MAP3K19: variants seen among roughly 807,000 people sequenced by gnomAD.
MAP3K19 encodes mitogen-activated protein kinase kinase kinase 19.
In MAP3K19, 91 loss-of-function variants were observed where a neutral mutation model predicts 114.4. That is an observed-to-expected ratio of 0.80 (90% CI 0.67 to 0.95). The LOEUF (loss-of-function observed/expected upper bound fraction) is 0.95, where lower values mean the gene tolerates loss of function less well. Among genes scored for constraint, MAP3K19 ranks in the 40% least tolerant of loss-of-function variants. MAP3K19 has a pLI of 0.00. For missense variants in MAP3K19, 1,471 were observed against 1,573.2 expected, an observed-to-expected ratio of 0.94 and a Z score of 1.10; for synonymous variants, 518 against 530.5, an observed-to-expected ratio of 0.98 and a Z score of 0.32.
At position 134,987,128 on chromosome 2, in the gene MAP3K19, G is replaced by T. The variant is rs201891083; in HGVS notation, c.1744C>A (p.Pro582Thr). The T allele has an allele frequency of 6.2e-7, 1 of 1,613,790 alleles. No individual in the cohort carries two copies. The highest frequency in any genetic ancestry group is 8.5e-7 in the Non-Finnish European group (1 of 1,180,038). Residue 582 changes from proline (P) to threonine (T), a missense_variant, in exon 10 of 13, where the codon CCC becomes ACC. Transcript: ENST00000392915. ...AACCTGGGCAATTGCCAAGGCCTGGGGTCCACAAGTCCCAAAGCCGGGAAA... is the reference window on the plus strand; with the variant it reads ...AACCTGGGCAATTGCCAAGGCCTGGTGTCCACAAGTCCCAAAGCCGGGAAA... ...QIFPALGLVD[P>T]RPWQLPRFQK... is the part of the protein sequence containing the mutation.
At chr2:135,031,014 AG>A (rs1688366760) in intron 2 of MAP3K19, among the ~76,000 whole-genome samples, 1 of 152,202 alleles carries the variant, frequency 6.6e-6, no homozygotes, top group Non-Finnish European at 1.5e-5. Flanking sequence ...CTAGAAAGAG[AG>A]TAAACTCTAT....
intron 2 of MAP3K19, among the ~76,000 whole-genome samples, chr2:135,031,484 G>C (rs1688379528): frequency 6.6e-6 from 1 of 152,174 alleles, no homozygotes; most frequent in Non-Finnish European, 1.5e-5. Flanking sequence ...AGATGTGGGT[G>C]GAGAAATCAG....
intron 1 of MAP3K19, among the ~76,000 whole-genome samples, chr2:135,045,097 C>T (rs373763205): frequency 2.0e-5 from 3 of 152,278 alleles, no homozygotes; most frequent in African/African-American, 4.8e-5. Context: ...ACCCTGTAAA[C>T]GTTTCTCTGG....
intron 5 of MAP3K19, among the ~76,000 whole-genome samples, chr2:135,014,829 T>C (rs180699716): frequency 6.6e-6 from 1 of 152,322 alleles, no homozygotes; most frequent in African/African-American, 2.4e-5. Flanking sequence ...TGCTCAACAG[T>C]GTATTTGTGA....
At chr2:135,021,635 G>C (rs1687985932) in intron 5 of MAP3K19, 80 bp downstream of exon 5, 10 of 727,660 alleles carry the variant, frequency 1.4e-5, no homozygotes, top group Admixed American at 8.4e-5. Flanking sequence ...ATATATGAGT[G>C]TTATGAAGTA....
intron 5 of MAP3K19, 119 bp downstream of exon 5, chr2:135,021,596 T>A (rs2105370267): frequency 3.3e-6 from 2 of 606,536 alleles, no homozygotes; most frequent in South Asian, 2.3e-5. Context: ...ATATGCTTTT[T>A]TATGATTACA....
intron 3 of MAP3K19, among the ~76,000 whole-genome samples, chr2:135,025,757 A>G (rs1688237074): frequency 6.6e-6 from 1 of 152,118 alleles, no homozygotes; most frequent in South Asian, 2.1e-4. Flanking sequence ...TCTTAGGACC[A>G]TTTACAACAG....
At chr2:135,024,206 C>T (rs1688160488) in intron 4 of MAP3K19, among the ~76,000 whole-genome samples, 1 of 152,228 alleles carries the variant, frequency 6.6e-6, no homozygotes, top group South Asian at 2.1e-4. Flanking sequence ...TAAAGTCAGG[C>T]AGCTTTCACA....
intron 10 of MAP3K19, among the ~76,000 whole-genome samples, chr2:134,985,258 C>T (rs1302027519): frequency 6.6e-6 from 1 of 152,150 alleles, no homozygotes; most frequent in Non-Finnish European, 1.5e-5. Flanking sequence ...AGTTCTTGGC[C>T]CACTGCCAGA....
At position 134,985,940 on chromosome 2, in the gene MAP3K19, A is replaced by C; in HGVS notation, c.2932T>G (p.Leu978Val). ...TTGTTATCTTTCTCATCAAGAGCTA[A>C]TAATTCTGCAGCTAGACAACCTAAT... Reference protein sequence around the residue: ...ELLGCLAAELLALDEKDNNSC... With the variant: ...ELLGCLAAELVALDEKDNNSC... The change falls in exon 10 of 13, where the codon TTA becomes GTA. Residue 978 changes from leucine (L) to valine (V), a missense_variant. By Grantham distance (32) the Leu-to-Val change is conservative. Coordinates refer to ENST00000392915, the MANE Select transcript of MAP3K19 (RefSeq NM_025052.5). 1 of 1,614,166 alleles carries C rather than the reference A, an allele frequency of 6.2e-7. No homozygotes were observed. The highest frequency in any genetic ancestry group is 8.5e-7 in the Non-Finnish European group (1 of 1,180,004).
intron 9 of MAP3K19, among the ~76,000 whole-genome samples, chr2:134,988,508 A>T (rs985935288): frequency 3.3e-5 from 5 of 151,898 alleles, no homozygotes; most frequent in African/African-American, 1.2e-4. Context: ...CTCCCACCTC[A>T]GCCTCCCAAG....
chr2:134,981,473 G>T lies in MAP3K19; in HGVS notation c.3268C>A (p.Gln1090Lys), dbSNP rs1271105041. ...TTATTAGAGGTATCCAAAGCCACCT[G>T]TTTTACAGCTATTAGCTGTCCTTGA... ...TSQGQLIAVKQVALDTSNKLA... is the reference protein window; with the variant it reads ...TSQGQLIAVKKVALDTSNKLA... Residue 1090 changes from glutamine (Q) to lysine (K), a missense_variant, in exon 12 of 13, where the codon CAG becomes AAG. By Grantham distance (53) the Gln-to-Lys change is moderately conservative. Transcript: ENST00000392915. 6.2e-7 allele frequency: 1 copy of T among 1,614,198 alleles called. No individual in the cohort carries two copies.
At chr2:134,968,419 C>A (rs1683558047) in intron 12 of MAP3K19, among the ~76,000 whole-genome samples, 1 of 149,436 alleles carries the variant, frequency 6.7e-6, no homozygotes, top group African/African-American at 2.5e-5. Flanking sequence ...GGGCTCCTCA[C>A]ATCCCAGTAG....
chr2:135,011,851 G>A (rs1347863681), intron 5 of MAP3K19, among the ~76,000 whole-genome samples: 10 of 151,856 alleles, frequency 6.6e-5, no homozygotes, highest in Non-Finnish European at 1.5e-5. Context: ...CCTGGCTGAG[G>A]CCAGGAGTTT....
At position 135,038,302 on chromosome 2, in the gene MAP3K19, T is replaced by C. The variant is rs149851668; in HGVS notation, c.-284+2061A>G. 9.4e-3 allele frequency among the ~76,000 whole-genome samples: 1,423 copies of C among 152,100 alleles called. 17 individuals carry two copies. Among genetic ancestry groups the C allele is most frequent in the Non-Finnish European group, 0.012 (847 of 67,978 alleles). ...GTATGTATATATTTGTATGTATATA[T>C]TTATGTATGTATGTATATATGTATG... On this transcript the variant is annotated intron_variant, in intron 2 of 12. Coordinates refer to ENST00000392915, the MANE Select transcript of MAP3K19 (RefSeq NM_025052.5).
At chr2:134,968,670 C>T (rs1341348000) in intron 12 of MAP3K19, among the ~76,000 whole-genome samples, 6 of 147,718 alleles carry the variant, frequency 4.1e-5, no homozygotes, top group African/African-American at 7.6e-5. Context: ...ACCTCCCAGA[C>T]GGGGTCGCGG....
At position 134,986,404 on chromosome 2, in the gene MAP3K19, T is replaced by A; in HGVS notation, c.2468A>T (p.Asp823Val). The change falls in exon 10 of 13, where the codon GAC (aspartate) becomes GTC (valine). Residue 823 changes from aspartate to valine, a missense_variant. Physicochemically the swap from Asp to Val is radical, Grantham distance 152 (BLOSUM62 -3). Transcript: ENST00000392915. ...VSMEESTGDR[D>V]ISNNQILTTS... ...GGTGAGTATTTGATTGTTAGAAATG[T>A]CTCTATCACCAGTAGACTCTTCCAT... 2.5e-6 allele frequency: 4 copies of A among 1,613,868 alleles called. No homozygotes were observed. Among genetic ancestry groups the A allele is most frequent in the Non-Finnish European group, 3.4e-6 (4 of 1,180,010 alleles).
chr2:135,024,689 G>C lies in MAP3K19; in HGVS notation c.-42C>G. On this transcript the variant is annotated 5_prime_UTR_variant, in exon 4 of 13. Transcript: ENST00000392915. Reference sequence around the variant, plus strand: ...TGCTGTTTCTTTGAACTCTCTATTTGTGACACATAATGTATTGCTGATTTT... The same window carrying C: ...TGCTGTTTCTTTGAACTCTCTATTTCTGACACATAATGTATTGCTGATTTT... 1 of 1,583,972 alleles carries C rather than the reference G, an allele frequency of 6.3e-7. No individual in the cohort carries two copies. Among genetic ancestry groups the C allele is most frequent in the Middle Eastern group, 1.7e-4 (1 of 6,010 alleles).
At chr2:135,028,732 A>G in intron 3 of MAP3K19, among the ~76,000 whole-genome samples, 1 of 152,214 alleles carries the variant, frequency 6.6e-6, no homozygotes, top group South Asian at 2.1e-4. Context: ...CATTTTATAG[A>G]CCAAAGAAAT....
Sources: allele counts gnomAD v4.1 joint callset (sites outside exome capture counted in the v4.1 genomes callset), GRCh38; gene constraint gnomAD v4.1.1; transcripts MANE v1.5; gene names NCBI Gene and HGNC (gene_info 2026-07-23, HGNC 2026-07-21).